Variants in SYN2 observed in about 807,000 individuals in gnomAD.
SYN2 encodes the protein synapsin II.
In SYN2, 19 loss-of-function variants were observed where a neutral mutation model predicts 50.9. That is an observed-to-expected ratio of 0.37 (90% confidence interval 0.26 to 0.55). The LOEUF (loss-of-function observed/expected upper bound fraction) is 0.55. Among genes scored for constraint, SYN2 ranks in the 20% least tolerant of loss-of-function variants. The pLI, the probability that SYN2 is intolerant of heterozygous loss-of-function variation, is 0.81. For missense variants in SYN2, 587 were observed against 576.4 expected (o/e 1.02, Z -0.19); for synonymous variants, 255 against 224.9 (o/e 1.13, Z -1.20).
At chr3:12,185,315 C>T in intron 11 of SYN2, 6 of 985,676 alleles carry the variant, frequency 6.1e-6, no homozygotes, top group Non-Finnish European at 7.2e-6. Context: ...TGCTTCTCTG[C>T]ATGTTATCAG....
intron 1 of SYN2, among the ~76,000 whole-genome samples, chr3:12,018,983 A>G (rs1694075326): frequency 6.6e-6 from 1 of 152,138 alleles, no homozygotes; most frequent in Non-Finnish European, 1.5e-5. Context: ...GTCTAGTTAG[A>G]ACTGTGTAGG....
intron 1 of SYN2, among the ~76,000 whole-genome samples, chr3:12,112,521 C>G (rs960718079): frequency 1.3e-5 from 2 of 151,960 alleles, no homozygotes; most frequent in Non-Finnish European, 2.9e-5. Flanking sequence ...TCTGTTAACC[C>G]ATTAAAATAT....
At chr3:12,178,380 C>T (rs946542522) in intron 10 of SYN2, among the ~76,000 whole-genome samples, 2 of 152,210 alleles carry the variant, frequency 1.3e-5, no homozygotes, top group African/African-American at 4.8e-5. Flanking sequence ...GCTGGGACTT[C>T]AGGAGCTCCT....
intron 1 of SYN2, among the ~76,000 whole-genome samples, chr3:12,036,674 G>A (rs1694505344): frequency 6.6e-6 from 1 of 152,094 alleles, no homozygotes; most frequent in Non-Finnish European, 1.5e-5. Context: ...ATGCCTTCCG[G>A]GTCATTCTCT....
chr3:12,035,405 C>T (rs1341730141), intron 1 of SYN2, among the ~76,000 whole-genome samples: 2 of 152,174 alleles, frequency 1.3e-5, no homozygotes, highest in Admixed American at 6.5e-5. Flanking sequence ...AACTTGGGTC[C>T]ATCAACCTGG....
intron 5 of SYN2, chr3:12,158,523 T>G (rs1697528312): frequency 1.2e-6 from 1 of 837,786 alleles, no homozygotes; most frequent in East Asian, 2.9e-5. Flanking sequence ...ATCAGTCAGG[T>G]TCTGGGCTTG....
In SYN2 at chr3:12,161,559, C is replaced by T; in HGVS notation, c.788C>T (p.Thr263Met). 1 of 1,614,012 alleles carries T rather than the reference C, an allele frequency of 6.2e-7. No homozygotes were observed. Among genetic ancestry groups the T allele is most frequent in the Non-Finnish European group, 8.5e-7 (1 of 1,179,896 alleles). ...PNHKEMLTLP[T>M]FPVVVKIGHA... ...TTCTGATTTCAGCTGACACTGCCCACGTTCCCTGTGGTGGTGAAGATTGGC... is the reference window on the plus strand; with the variant it reads ...TTCTGATTTCAGCTGACACTGCCCATGTTCCCTGTGGTGGTGAAGATTGGC... Residue 263 changes from threonine to methionine, a missense_variant, in exon 6 of 13, where the codon ACG becomes ATG. Coordinates refer to ENST00000621198, the MANE Select transcript of SYN2 (RefSeq NM_133625.6).
intron 1 of SYN2, among the ~76,000 whole-genome samples, chr3:12,012,576 G>C (rs762955573): frequency 3.3e-5 from 5 of 152,146 alleles, no homozygotes; most frequent in Non-Finnish European, 5.9e-5. Flanking sequence ...GAATTTTGCT[G>C]TACTCTGGAT....
intron 12 of SYN2, 120 bp from the exon 13 acceptor site, chr3:12,190,370 A>G: frequency 8.6e-7 from 1 of 1,168,038 alleles, no homozygotes; most frequent in South Asian, 1.3e-5. Flanking sequence ...ATTATCCTCC[A>G]TCACCTTGGT....
chr3:12,130,731 T>G (rs1696779940), intron 1 of SYN2, among the ~76,000 whole-genome samples: 1 of 152,170 alleles, frequency 6.6e-6, no homozygotes, highest in Non-Finnish European at 1.5e-5. Flanking sequence ...GTTGAGTTGT[T>G]GGAGAATAGG....
rs1252017512 is a variant in SYN2, at chr3:12,014,769, C to T, written c.377+9841C>T. 2.0e-5 allele frequency among the ~76,000 whole-genome samples: 3 copies of T among 152,124 alleles called. No individual in the cohort carries two copies. In the East Asian group the frequency reaches 5.8e-4, roughly 29 times the overall value. On this transcript the variant is annotated intron_variant, in intron 1 of 12. Transcript: ENST00000621198. ...TCTATACCTTTATGAGTTTTGTGTG[C>T]CTTCTTCCACACAGCTTTTTTGGCT...
chr3:12,068,410 A>G (rs556125661), intron 1 of SYN2, among the ~76,000 whole-genome samples: 2 of 152,274 alleles, frequency 1.3e-5, no homozygotes, highest in South Asian at 4.1e-4. Context: ...CTTCCCTGAA[A>G]GCATTTGGAA....
intron 1 of SYN2, among the ~76,000 whole-genome samples, chr3:12,063,155 G>A (rs1289131170): frequency 6.6e-6 from 1 of 151,862 alleles, no homozygotes; most frequent in Non-Finnish European, 1.5e-5. Flanking sequence ...ATACTGAAAT[G>A]GAGGAATACA....
chr3:12,123,684 A>G (rs1696608035), intron 1 of SYN2, among the ~76,000 whole-genome samples: 1 of 152,200 alleles, frequency 6.6e-6, no homozygotes. Context: ...ACAGTGGCTC[A>G]TGCCTGTAAT....
rs144948420 is a variant in SYN2 at position 12,170,495 on chromosome 3, C to A, written c.1308+589C>A. On this transcript the variant is annotated intron_variant, in intron 10 of 12. Coordinates refer to ENST00000621198, the MANE Select transcript of SYN2 (RefSeq NM_133625.6). ...TGGCCAATCACACTCATGGCAACAG[C>A]ATTCCAGCTGCGGGTCTAGTGGGAA... Among the ~76,000 whole-genome samples, 613 of 152,314 alleles carry A rather than the reference C, an allele frequency of 4.0e-3. 4 individuals are homozygous for A. Among genetic ancestry groups the A allele is most frequent in the African/African-American group, 0.014 (574 of 41,560 alleles).
rs1282051747 is a variant in SYN2, at chr3:12,004,941, C to A, written c.377+13C>A. ...CGCACGCCGACTGGTAGGTGCCGGG[C>A]GCCGCCGCCCTCGGGGGTCGGGGTC... On this transcript the variant is annotated intron_variant, in intron 1 of 12. Coordinates refer to ENST00000621198, the MANE Select transcript of SYN2 (RefSeq NM_133625.6). 2 of 525,770 alleles carry A rather than the reference C, an allele frequency of 3.8e-6. No individual in the cohort carries two copies. Among genetic ancestry groups the A allele is most frequent in the South Asian group, 2.5e-5 (1 of 40,330 alleles). 32.6% of individuals were successfully genotyped at this position (525,770 alleles called of 1,614,324 possible).
chr3:12,147,892 T>A (rs1697188921), intron 4 of SYN2, among the ~76,000 whole-genome samples: 1 of 152,028 alleles, frequency 6.6e-6, no homozygotes, highest in African/African-American at 2.4e-5. Context: ...GGCAGGCACA[T>A]CACGAGGTCA....
intron 3 of SYN2, among the ~76,000 whole-genome samples, chr3:12,143,079 A>C (rs1437920469): frequency 6.6e-6 from 1 of 152,184 alleles, no homozygotes; most frequent in Non-Finnish European, 1.5e-5. Flanking sequence ...GCAGGTGGTG[A>C]CAGAGAGGCC....
intron 1 of SYN2, among the ~76,000 whole-genome samples, chr3:12,040,764 A>T (rs1170164531): frequency 6.6e-6 from 1 of 152,198 alleles, no homozygotes; most frequent in Non-Finnish European, 1.5e-5. Context: ...TAAAAGAAAG[A>T]TGGAAGGATA....
Sources: allele counts gnomAD v4.1 joint callset (sites outside exome capture counted in the v4.1 genomes callset), GRCh38; gene constraint gnomAD v4.1.1; transcripts MANE v1.5; gene names NCBI Gene and HGNC (gene_info 2026-07-23, HGNC 2026-07-21).